RBFOX1: variants seen among roughly 807,000 people sequenced by gnomAD.
RBFOX1 encodes RNA binding fox-1 homolog 1, also known as RNA binding protein fox-1 homolog 1.
In RBFOX1, 8 loss-of-function variants were observed where a neutral mutation model predicts 57.7. That is an observed-to-expected ratio of 0.14 (90% CI 0.08 to 0.25). The LOEUF (loss-of-function observed/expected upper bound fraction) is 0.25, where lower values mean the gene tolerates loss of function less well. Ranked by LOEUF, RBFOX1 falls within the 10% of genes least tolerant of loss-of-function variation. The pLI is 1.00. For synonymous variants in RBFOX1, 326 were observed against 222.4 expected, an observed-to-expected ratio of 1.47 and a Z score of -4.15; for missense variants, 611 against 548.5, an observed-to-expected ratio of 1.11 and a Z score of -1.14.
At chr16:5,528,262 G>A (rs555295832) in intron 2 of RBFOX1, among the ~76,000 whole-genome samples, 112 of 152,280 alleles carry the variant, frequency 7.4e-4, no homozygotes, top group African/African-American at 2.4e-3. Context: ...GTGCCTATCA[G>A]TTTTCCGTGG....
chr16:7,607,399 A>C, intron 10 of RBFOX1, 61 bp downstream of exon 10: 3 of 1,454,860 alleles, frequency 2.1e-6, no homozygotes, highest in Non-Finnish European at 2.9e-6. Context: ...TTTGCCTGCC[A>C]AGAATGAATG....
At chr16:7,170,131 T>A (rs939414096) in intron 4 of RBFOX1, among the ~76,000 whole-genome samples, 1 of 152,166 alleles carries the variant, frequency 6.6e-6, no homozygotes, top group African/African-American at 2.4e-5. Context: ...AATTAATATA[T>A]CTTATGTTTT....
chr16:6,980,131 C>T (rs770116610), intron 3 of RBFOX1, among the ~76,000 whole-genome samples: 1 of 152,156 alleles, frequency 6.6e-6, no homozygotes, highest in Non-Finnish European at 1.5e-5. Flanking sequence ...CGTATGTCAC[C>T]TGAGAACCTT....
chr16:5,722,888 T>C (rs182909669), intron 3 of RBFOX1, among the ~76,000 whole-genome samples: 7 of 152,342 alleles, frequency 4.6e-5, no homozygotes, highest in Admixed American at 2.6e-4. Context: ...GCTCTCATTT[T>C]ATCCTGTGTT....
chr16:6,410,104 G>A (rs1008826270), intron 2 of RBFOX1, among the ~76,000 whole-genome samples: 1 of 151,542 alleles, frequency 6.6e-6, no homozygotes, highest in African/African-American at 2.4e-5. Context: ...TTTGTTTTGG[G>A]ATCACAAAAT....
intron 4 of RBFOX1, among the ~76,000 whole-genome samples, chr16:7,199,167 A>G (rs762830175): frequency 6.6e-6 from 1 of 152,140 alleles, no homozygotes; most frequent in Non-Finnish European, 1.5e-5. Context: ...AAATGGATGG[A>G]TTTTTATGGC....
chr16:5,507,391 T>C lies in RBFOX1; in HGVS notation c.258+40137T>C, dbSNP rs1309411791. On this transcript the variant is annotated intron_variant, in intron 2 of 2. Coordinates refer to the RBFOX1 transcript ENST00000585867. The stretch of plus-strand genomic sequence containing the variant: ...GGCTTTGTTCCCCCCAGTTTCTCCA[T>C]CAGTGGGTGGCACACATAGGTGTTC... 2.6e-5 allele frequency among the ~76,000 whole-genome samples: 4 copies of C among 152,080 alleles called. No homozygotes were observed. In the East Asian group the frequency reaches 7.7e-4, roughly 29 times the overall value.
At chr16:5,749,882 C>T (rs1051417808) in intron 3 of RBFOX1, among the ~76,000 whole-genome samples, 23 of 152,186 alleles carry the variant, frequency 1.5e-4, no homozygotes, top group Non-Finnish European at 2.2e-4. Flanking sequence ...AGTCATTCTC[C>T]GTCTAGCTTT....
rs1002747843 is a variant in RBFOX1 at position 5,401,569 on chromosome 16, CA to C, written c.220-65646del. ...GCAGGGGATTTCAGAATAATTTTGA[CA>C]CCCTTCCCCTAAAAATGATTCAAAT... On this transcript the variant is annotated intron_variant, in intron 1 of 2. Coordinates refer to the RBFOX1 transcript ENST00000585867. Among the ~76,000 whole-genome samples the C allele has an allele frequency of 8.8e-4, 134 of 152,288 alleles. 1 individual carries two copies. The highest frequency in any genetic ancestry group is 2.9e-3 in the African/African-American group (120 of 41,544).
chr16:7,102,462 G>T (rs1017479660), intron 4 of RBFOX1, among the ~76,000 whole-genome samples: 1 of 152,086 alleles, frequency 6.6e-6, no homozygotes, highest in Non-Finnish European at 1.5e-5. Flanking sequence ...AACATGCCAG[G>T]ATATTTATGA....
At chr16:5,258,716 G>C (rs58226550) in intron 1 of RBFOX1, among the ~76,000 whole-genome samples, 45,880 of 151,912 alleles carry the variant, frequency 0.3, 7,395 homozygotes, top group South Asian at 0.42. Flanking sequence ...AAGAGTTCAA[G>C]ACCATCCTGA....
rs977978309 is a variant in RBFOX1, at chr16:6,828,413, A to G, written c.-16+173763A>G. 5.9e-5 allele frequency among the ~76,000 whole-genome samples: 9 copies of G among 152,104 alleles called. No homozygotes were observed. In the Middle Eastern group the frequency reaches 0.017, roughly 287 times the overall value. ...GTGACACAGGCCTTTAGACCCAGCT[A>G]CTCAGGAGACTGAGGCAGGAGAATC... On this transcript the variant is annotated intron_variant, in intron 3 of 15. Coordinates refer to ENST00000550418, the MANE Select transcript of RBFOX1 (RefSeq NM_018723.4).
At chr16:6,714,018 A>G (rs930203232) in intron 3 of RBFOX1, among the ~76,000 whole-genome samples, 1 of 152,182 alleles carries the variant, frequency 6.6e-6, no homozygotes, top group Non-Finnish European at 1.5e-5. Context: ...GAATTGTAAT[A>G]CCCATGTGTG....
At chr16:7,189,041 C>G (rs894446040) in intron 4 of RBFOX1, among the ~76,000 whole-genome samples, 1 of 151,942 alleles carries the variant, frequency 6.6e-6, no homozygotes, top group Admixed American at 6.6e-5. Context: ...GGAGGTGATA[C>G]GGAGTGATTT....
chr16:6,994,207 G>T (rs1190812440), intron 3 of RBFOX1, among the ~76,000 whole-genome samples: 1 of 152,076 alleles, frequency 6.6e-6, no homozygotes, highest in African/African-American at 2.4e-5. Context: ...TTAGAAGGAG[G>T]AAAACACTGC....
chr16:5,302,340 A>G (rs1002870533), intron 1 of RBFOX1, among the ~76,000 whole-genome samples: 2 of 152,184 alleles, frequency 1.3e-5, no homozygotes, highest in African/African-American at 4.8e-5. Context: ...GACTAGCTTT[A>G]TGGAGCAGCA....
At chr16:5,425,374 G>A (rs377463388) in intron 1 of RBFOX1, among the ~76,000 whole-genome samples, 8 of 152,056 alleles carry the variant, frequency 5.3e-5, no homozygotes, top group Non-Finnish European at 1.2e-4. Flanking sequence ...AAAGCGCTGG[G>A]ATTACAGGCA....
At chr16:5,739,774 C>A (rs2052710441) in intron 3 of RBFOX1, among the ~76,000 whole-genome samples, 1 of 152,248 alleles carries the variant, frequency 6.6e-6, no homozygotes, top group South Asian at 2.1e-4. Flanking sequence ...ACAGGGGAGC[C>A]ACTGCCCCAC....
intron 1 of RBFOX1, among the ~76,000 whole-genome samples, chr16:6,226,947 A>G (rs1317032925): frequency 8.7e-6 from 1 of 114,642 alleles, no homozygotes; most frequent in Non-Finnish European, 1.7e-5. Context: ...CATCTCTACT[A>G]AAAAAAAAAA....
Sources: allele counts gnomAD v4.1 joint callset (sites outside exome capture counted in the v4.1 genomes callset), GRCh38; gene constraint gnomAD v4.1.1; transcripts MANE v1.5; gene names NCBI Gene and HGNC (gene_info 2026-07-23, HGNC 2026-07-21).